Variants in BRI3 observed in about 807,000 individuals in gnomAD.
BRI3 encodes the protein brain protein I3.
Under a neutral mutation model 12.8 loss-of-function variants are expected in BRI3, and 6 were observed. That is an observed-to-expected ratio of 0.47 (90% CI 0.26 to 0.93). The LOEUF is 0.93. BRI3 is among the 40% of genes least tolerant of loss of function. The pLI, the probability that BRI3 is intolerant of heterozygous loss-of-function variation, is 0.15. For missense variants in BRI3, 134 were observed against 171.1 expected (o/e 0.78, Z 1.21); for synonymous variants, 91 against 76.1 (o/e 1.20, Z -1.02).
At chr7:98,321,407 C>T in the BRI3 span, among the ~76,000 whole-genome samples, 1 of 152,134 alleles carries the variant, frequency 6.6e-6, no homozygotes, top group Non-Finnish European at 1.5e-5. Flanking sequence ...CCAGGGGAAC[C>T]CGCAGCAGGA....
At chr7:98,311,830 C>T (rs953566326), downstream of BRI3, among the ~76,000 whole-genome samples, 2 of 152,028 alleles carry the variant, frequency 1.3e-5, no homozygotes, top group Non-Finnish European at 2.9e-5. Context: ...CACTTGAACC[C>T]GGGAGGTGGA....
intron 2 of BRI3, among the ~76,000 whole-genome samples, chr7:98,290,877 A>T (rs1039314491): frequency 6.6e-6 from 1 of 152,244 alleles, no homozygotes; most frequent in Non-Finnish European, 1.5e-5. Context: ...ACATGTAGTG[A>T]TTAAATAACT....
At chr7:98,298,768 G>A (rs1294947755) in intron 1 of BRI3, among the ~76,000 whole-genome samples, 1 of 152,188 alleles carries the variant, frequency 6.6e-6, no homozygotes, top group Non-Finnish European at 1.5e-5. Context: ...ACATAAAAAG[G>A]CTGAGACACA....
chr7:98,290,164 T>A (rs1799857422), intron 2 of BRI3, among the ~76,000 whole-genome samples: 2 of 148,514 alleles, frequency 1.3e-5, no homozygotes, highest in Non-Finnish European at 3.0e-5. Context: ...ACCAAAATGA[T>A]CATGCCTCTC....
upstream of BRI3, among the ~76,000 whole-genome samples, chr7:98,303,232 C>T (rs756642037): frequency 3.9e-5 from 6 of 152,162 alleles, no homozygotes; most frequent in Non-Finnish European, 5.9e-5. Context: ...GAAGCACATC[C>T]GTTTCATATC....
chr7:98,313,574 A>G (rs1472693752), downstream of BRI3, among the ~76,000 whole-genome samples: 1 of 152,168 alleles, frequency 6.6e-6, no homozygotes, highest in Non-Finnish European at 1.5e-5. Context: ...TGCTGTTGAC[A>G]AAAGTGATCA....
intron 1 of BRI3, 146 bp from the exon 2 acceptor site, chr7:98,282,205 A>C: frequency 1.2e-6 from 1 of 845,286 alleles, no homozygotes; most frequent in Non-Finnish European, 1.8e-6. Context: ...ATTAGCGCCG[A>C]ATCAGGCCCG....
chr7:98,292,534 A>T, downstream of BRI3: 1 of 1,111,076 alleles, frequency 9.0e-7, no homozygotes, highest in Non-Finnish European at 1.3e-6. Flanking sequence ...GATGATTTCC[A>T]GCCCCGGGCT....
chr7:98,314,061 C>A (rs1800984605), downstream of BRI3, among the ~76,000 whole-genome samples: 1 of 145,864 alleles, frequency 6.9e-6, no homozygotes, highest in African/African-American at 2.5e-5. Context: ...TCTGGGCTCA[C>A]TGCAACCTCA....
At chr7:98,323,121 C>G in the BRI3 span, 3 of 152,248 alleles carry the variant, frequency 2.0e-5, no homozygotes, top group Non-Finnish European at 2.9e-5. Flanking sequence ...CACTCCACAT[C>G]CTTAGCAACG....
chr7:98,290,636 C>CTCTG (rs1799898399), intron 2 of BRI3, among the ~76,000 whole-genome samples: 1 of 152,188 alleles, frequency 6.6e-6, no homozygotes, highest in Non-Finnish European at 1.5e-5. Context: ...GTAGCCGGGA[C>CTCTG]TACAGGCATG....
chr7:98,306,831 C>T (rs920827568), intron 1 of BRI3: 32 of 358,188 alleles, frequency 8.9e-5, no homozygotes, highest in South Asian at 5.7e-4. Context: ...CCTCAGCATC[C>T]GAGTAGCTGT....
chr7:98,314,599 G>T (rs1285666664), downstream of BRI3, among the ~76,000 whole-genome samples: 2 of 152,192 alleles, frequency 1.3e-5, no homozygotes, highest in African/African-American at 4.8e-5. Flanking sequence ...TTGGAAGGAG[G>T]GTGATGAGGT....
chr7:98,292,500 A>T, downstream of BRI3: 1 of 808,042 alleles, frequency 1.2e-6, no homozygotes, highest in Non-Finnish European at 2.0e-6. Flanking sequence ...ACTCCAAAAT[A>T]GGTCCAGATC....
intron 1 of BRI3, among the ~76,000 whole-genome samples, chr7:98,300,425 C>A (rs570264960): frequency 6.6e-6 from 1 of 152,308 alleles, no homozygotes; most frequent in Non-Finnish European, 1.5e-5. Flanking sequence ...GTGACAGTTG[C>A]AGTCCCTCCC....
At chr7:98,319,005 A>G in the BRI3 span, among the ~76,000 whole-genome samples, 1 of 151,758 alleles carries the variant, frequency 6.6e-6, no homozygotes, top group Admixed American at 6.6e-5. Flanking sequence ...CATAGCAATT[A>G]GATAACGTAT....
chr7:98,304,500 T>C (rs900024190), upstream of BRI3: 23 of 952,122 alleles, frequency 2.4e-5, no homozygotes, highest in Non-Finnish European at 1.6e-6. Context: ...CTGATCTTGA[T>C]CTCACACACA....
chr7:98,286,444 G>A (rs573460899), intron 2 of BRI3, among the ~76,000 whole-genome samples: 1 of 152,304 alleles, frequency 6.6e-6, no homozygotes, highest in Non-Finnish European at 1.5e-5. Flanking sequence ...CTCCCTGGCC[G>A]CGTGGCTTAT....
At chr7:98,297,156 T>C (rs1337354069), downstream of BRI3, among the ~76,000 whole-genome samples, 1 of 152,204 alleles carries the variant, frequency 6.6e-6, no homozygotes, top group South Asian at 2.1e-4. Flanking sequence ...ACCAAGCGGC[T>C]GACTGCGGCC....
Sources: allele counts gnomAD v4.1 joint callset (sites outside exome capture counted in the v4.1 genomes callset), GRCh38; gene constraint gnomAD v4.1.1; transcripts MANE v1.5; gene names NCBI Gene and HGNC (gene_info 2026-07-23, HGNC 2026-07-21).